Variants in AP3S2 observed in about 807,000 individuals in gnomAD.
AP3S2 encodes AP-3 complex subunit sigma-2.
Under a neutral mutation model 23.4 loss-of-function variants are expected in AP3S2, and 22 were observed. That is an observed-to-expected ratio of 0.94 (90% CI 0.67 to 1.34). The LOEUF is 1.34. Ranked by LOEUF, AP3S2 falls within the 40% of genes most tolerant of loss-of-function variation. AP3S2 has a pLI of 0.00. For missense variants in AP3S2, 241 were observed against 236.9 expected, an observed-to-expected ratio of 1.02 and a Z score of -0.11; for synonymous variants, 86 against 87.1, an observed-to-expected ratio of 0.99 and a Z score of 0.07.
chr15:89,859,554 C>A (rs1175282732), intron 4 of AP3S2, among the ~76,000 whole-genome samples: 1 of 151,408 alleles, frequency 6.6e-6, no homozygotes, highest in Admixed American at 6.6e-5. Context: ...GCCACCACGC[C>A]TGGGTAATTT....
At position 89,862,658 on chromosome 15, in the gene AP3S2, G is replaced by A. The variant is rs80249624; in HGVS notation, c.345+8817C>T. Among the ~76,000 whole-genome samples the A allele has an allele frequency of 3.0e-3, 456 of 152,292 alleles. 4 individuals carry two copies. Among genetic ancestry groups the A allele is most frequent in the Middle Eastern group, 0.01 (3 of 294 alleles). On this transcript the variant is annotated intron_variant, in intron 4 of 5. Coordinates refer to ENST00000336418, the MANE Select transcript of AP3S2 (RefSeq NM_005829.5). Reference sequence around the variant, plus strand: ...AGAGGGAGAAAAGGTTTTGAATGTAGATGACAGAGGATGGTAGTAACACTC... The same window carrying A: ...AGAGGGAGAAAAGGTTTTGAATGTAAATGACAGAGGATGGTAGTAACACTC...
At chr15:89,859,299 TCTTC>T (rs955612117) in intron 4 of AP3S2, among the ~76,000 whole-genome samples, 9 of 150,786 alleles carry the variant, frequency 6.0e-5, no homozygotes, top group East Asian at 1.9e-4. Flanking sequence ...CTTTTCTTTT[TCTTC>T]CTTCCTTCCT....
chr15:89,858,298 G>A lies in AP3S2; in HGVS notation c.345+13177C>T, dbSNP rs538853687. 4.0e-5 allele frequency among the ~76,000 whole-genome samples: 6 copies of A among 151,884 alleles called. No individual in the cohort carries two copies. The East Asian group carries it at 7.8e-4, about 20-fold the overall frequency. ...ACTAAAAAAAAATACAAAACTAGCCGGGTGTGGTGGCGCACGCCTATAATC... is the reference window on the plus strand; with the variant it reads ...ACTAAAAAAAAATACAAAACTAGCCAGGTGTGGTGGCGCACGCCTATAATC... On this transcript the variant is annotated intron_variant, in intron 4 of 5. Coordinates refer to ENST00000336418, the MANE Select transcript of AP3S2 (RefSeq NM_005829.5).
chr15:89,872,572 T>C (rs1366708904), intron 3 of AP3S2, among the ~76,000 whole-genome samples: 1 of 152,188 alleles, frequency 6.6e-6, no homozygotes, highest in Non-Finnish European at 1.5e-5. Flanking sequence ...ACAATCTCAT[T>C]GTCAGCAGTG....
Position 89,867,076 on chromosome 15 carries a change from G to A in AP3S2, c.345+4399C>T, listed in dbSNP as rs980638973. ...CACGGTCTCCCTCTCATGCGGAGCC[G>A]AAGCTGGACTGTACTACTGCCATCT... On this transcript the variant is annotated intron_variant, in intron 4 of 5. Coordinates refer to ENST00000336418, the MANE Select transcript of AP3S2 (RefSeq NM_005829.5). Among the ~76,000 whole-genome samples, 12 of 134,490 alleles carry A rather than the reference G, an allele frequency of 8.9e-5. No homozygotes were observed. In the South Asian group the frequency reaches 1.6e-3, roughly 18 times the overall value. The allele number at this position is 134,490 out of a possible 152,430, so 88.2% of individuals were successfully genotyped here.
intron 3 of AP3S2, among the ~76,000 whole-genome samples, chr15:89,881,503 T>C (rs1410328643): frequency 6.6e-6 from 1 of 152,208 alleles, no homozygotes; most frequent in Non-Finnish European, 1.5e-5. Flanking sequence ...ATTGTTAAGA[T>C]GTCACCCACT....
At chr15:89,854,610 G>A (rs1279092749) in intron 4 of AP3S2, among the ~76,000 whole-genome samples, 1 of 66,686 alleles carries the variant, frequency 1.5e-5, no homozygotes, top group African/African-American at 6.1e-5. Context: ...CGCCCTGTCC[G>A]GGAGGTGAGG....
chr15:89,880,980 G>A (rs939527949), intron 3 of AP3S2, among the ~76,000 whole-genome samples: 3 of 152,204 alleles, frequency 2.0e-5, no homozygotes, highest in African/African-American at 7.2e-5. Context: ...GAAGTAAACA[G>A]GATGATGTGA....
At chr15:89,850,246 C>G (rs1005698043) in intron 4 of AP3S2, among the ~76,000 whole-genome samples, 1 of 152,132 alleles carries the variant, frequency 6.6e-6, no homozygotes, top group African/African-American at 2.4e-5. Context: ...ATGGTTTTCC[C>G]TAGATGTCTT....
intron 4 of AP3S2, among the ~76,000 whole-genome samples, chr15:89,856,701 CAA>C (rs34735772): frequency 0.048 from 3,604 of 75,200 alleles, 80 homozygotes; most frequent in African/African-American, 0.14. Flanking sequence ...GACTCCATCT[CAA>C]AAAAAAAAAA....
intron 4 of AP3S2, among the ~76,000 whole-genome samples, chr15:89,870,701 G>A (rs1362668562): frequency 6.6e-6 from 1 of 152,176 alleles, no homozygotes; most frequent in Non-Finnish European, 1.5e-5. Context: ...GCAATGAGCA[G>A]CAGTCTCCTA....
intron 4 of AP3S2, among the ~76,000 whole-genome samples, chr15:89,868,145 GCC>G: frequency 1.3e-5 from 1 of 75,186 alleles, no homozygotes; most frequent in Non-Finnish European, 2.9e-5. Context: ...CCGGCCAGCC[GCC>G]CCGTCCGGGA....
Position 89,893,982 on chromosome 15 carries a change from A to T in AP3S2, c.-33T>A, listed in dbSNP as rs1165702355. 6.5e-7 allele frequency: 1 copy of T among 1,546,796 alleles called. No individual in the cohort carries two copies. Among genetic ancestry groups the T allele is most frequent in the African/African-American group, 1.4e-5 (1 of 73,102 alleles). ...AGCCACGGTTCTCTCAGCACCGGCT[A>T]CTCCCAGAAAGCTCCTCCTTCCGCC... is the stretch of plus-strand genomic sequence containing the variant. On this transcript the variant is annotated 5_prime_UTR_variant, in exon 1 of 6. Coordinates refer to ENST00000336418, the MANE Select transcript of AP3S2 (RefSeq NM_005829.5).
At chr15:89,873,580 C>T (rs1385963371) in intron 3 of AP3S2, among the ~76,000 whole-genome samples, 2 of 152,116 alleles carry the variant, frequency 1.3e-5, no homozygotes, top group Admixed American at 6.5e-5. Context: ...CCACTGTGCC[C>T]GGCCTCTGTC....
At chr15:89,849,532 A>G (rs370426765) in intron 4 of AP3S2, among the ~76,000 whole-genome samples, 76 of 151,962 alleles carry the variant, frequency 5.0e-4, no homozygotes, top group African/African-American at 1.6e-3. Flanking sequence ...ACGCCCGGCT[A>G]ATTTTTTGTA....
intron 4 of AP3S2, among the ~76,000 whole-genome samples, chr15:89,847,153 G>T (rs1219605060): frequency 2.6e-5 from 4 of 151,836 alleles, no homozygotes; most frequent in Non-Finnish European, 4.4e-5. Context: ...TAGGAAGGAG[G>T]ATTGCTTGAG....
chr15:89,838,670 A>G (rs1284894600), intron 4 of AP3S2, among the ~76,000 whole-genome samples: 1 of 152,174 alleles, frequency 6.6e-6, no homozygotes, highest in Non-Finnish European at 1.5e-5. Flanking sequence ...ACAACCTTCT[A>G]TTGTTAACTA....
chr15:89,858,790 C>G (rs768741852), intron 4 of AP3S2, among the ~76,000 whole-genome samples: 5 of 152,126 alleles, frequency 3.3e-5, no homozygotes, highest in African/African-American at 1.2e-4. Flanking sequence ...TTACTGAAAA[C>G]GGCTGCATAT....
At chr15:89,865,412 A>T (rs1171597007) in intron 4 of AP3S2, 2 of 152,202 alleles carry the variant, frequency 1.3e-5, no homozygotes, top group Non-Finnish European at 2.9e-5. Context: ...AAAGAACTGT[A>T]AATATTTAGT....
Sources: allele counts gnomAD v4.1 joint callset (sites outside exome capture counted in the v4.1 genomes callset), GRCh38; gene constraint gnomAD v4.1.1; transcripts MANE v1.5; gene names NCBI Gene and HGNC (gene_info 2026-07-23, HGNC 2026-07-21).